The following SLC8A3 variants were observed in gnomAD, a reference collection of about 807,000 sequenced individuals.
SLC8A3 encodes the protein sodium/calcium exchanger 3.
Under a neutral mutation model 65.4 loss-of-function variants are expected in SLC8A3, and 37 were observed. The observed-to-expected ratio is 0.57, with a 90% CI of 0.44 to 0.74. The LOEUF (loss-of-function observed/expected upper bound fraction) is 0.74, where lower values mean the gene tolerates loss of function less well. Ranked by LOEUF, SLC8A3 falls within the 30% of genes least tolerant of loss-of-function variation. SLC8A3 has a pLI of 0.00. For missense variants in SLC8A3, 1,112 were observed against 1,172.1 expected, an observed-to-expected ratio of 0.95 and a Z score of 0.75; for synonymous variants, 461 against 444.5, an observed-to-expected ratio of 1.04 and a Z score of -0.47.
intron 2 of SLC8A3, among the ~76,000 whole-genome samples, chr14:70,102,906 T>C (rs983215511): frequency 6.6e-6 from 1 of 151,864 alleles, no homozygotes; most frequent in Non-Finnish European, 1.5e-5. Context: ...TTGGCTTAAA[T>C]TTTTCCAAAT....
chr14:70,082,873 T>C (rs1215962110), intron 2 of SLC8A3, among the ~76,000 whole-genome samples: 1 of 152,220 alleles, frequency 6.6e-6, no homozygotes, highest in Non-Finnish European at 1.5e-5. Flanking sequence ...CTGATGGAAA[T>C]GCTCTTGAAT....
chr14:70,077,722 A>G (rs926452222), intron 2 of SLC8A3, among the ~76,000 whole-genome samples: 3 of 152,192 alleles, frequency 2.0e-5, no homozygotes, highest in Admixed American at 2.0e-4. Flanking sequence ...AAATGCCAGA[A>G]TCTGATTTTG....
Position 70,168,163 on chromosome 14 carries a change from A to G in SLC8A3, c.260T>C (p.Met87Thr), listed in dbSNP as rs1405219856. ...AGCAATGATGGACACCCCAAGGAAC[A>G]TGTATATCAGGGCCACAAAATAGAC... Reference protein sequence around the residue: ...VIVYFVALIYMFLGVSIIADR... With the variant: ...VIVYFVALIYTFLGVSIIADR... Residue 87 changes from methionine to threonine, a missense_variant, in exon 2 of 7, where the codon ATG (methionine) becomes ACG (threonine). Transcript: ENST00000356921. The G allele has an allele frequency of 1.9e-6, 3 of 1,614,180 alleles. No individual in the cohort carries two copies. The highest frequency in any genetic ancestry group is 4.5e-5 in the East Asian group (2 of 44,868).
At chr14:70,175,015 C>T (rs992768816) in intron 1 of SLC8A3, among the ~76,000 whole-genome samples, 1 of 152,064 alleles carries the variant, frequency 6.6e-6, no homozygotes, top group African/African-American at 2.4e-5. Context: ...CATATTTTGC[C>T]TTCTCTGAAG....
At chr14:70,095,579 G>A (rs1892118107) in intron 2 of SLC8A3, among the ~76,000 whole-genome samples, 1 of 152,184 alleles carries the variant, frequency 6.6e-6, no homozygotes, top group Non-Finnish European at 1.5e-5. Flanking sequence ...GCTGCCCTTT[G>A]GCTGAATCCT....
Position 70,060,889 on chromosome 14 carries a change from T to C in SLC8A3, c.1835A>G (p.Glu612Gly), listed in dbSNP as rs762065105. The C allele has an allele frequency of 6.5e-7, 1 of 1,530,754 alleles. No individual in the cohort carries two copies. The highest frequency in any genetic ancestry group is 8.7e-7 in the Non-Finnish European group (1 of 1,143,608). 94.8% of individuals were successfully genotyped at this position (1,530,754 alleles called of 1,614,324 possible). Reference protein sequence around the residue: ...IVDEEEYERQENFFIALGEPK... With the variant: ...IVDEEEYERQGNFFIALGEPK... Reference sequence around the variant, plus strand: ...TTCACCAAGGGCAATGAAGAAATTCTCTTGCCTTTCGTATTCCTCCTCATC... The same window carrying C: ...TTCACCAAGGGCAATGAAGAAATTCCCTTGCCTTTCGTATTCCTCCTCATC... The change falls in exon 3 of 7, where the codon GAG becomes GGG. Residue 612 changes from glutamate to glycine, a missense_variant. Transcript: ENST00000356921.
intron 2 of SLC8A3, among the ~76,000 whole-genome samples, chr14:70,159,642 C>T (rs1896769613): frequency 6.6e-6 from 1 of 152,168 alleles, no homozygotes; most frequent in Non-Finnish European, 1.5e-5. Context: ...GCTTTGCTCA[C>T]CTTGCTGTCA....
chr14:70,130,711 C>T (rs1360959530), intron 2 of SLC8A3, among the ~76,000 whole-genome samples: 1 of 152,132 alleles, frequency 6.6e-6, no homozygotes, highest in African/African-American at 2.4e-5. Flanking sequence ...TTTACTCTGG[C>T]AAGAGGAATG....
At chr14:70,055,760 A>G (rs1888038906) in intron 3 of SLC8A3, 1 of 1,591,462 alleles carries the variant, frequency 6.3e-7, no homozygotes, top group Non-Finnish European at 8.5e-7. Flanking sequence ...ACTGGCAAGA[A>G]GTGGAAAGAA....
chr14:70,071,254 C>A, intron 2 of SLC8A3, among the ~76,000 whole-genome samples: 1 of 152,172 alleles, frequency 6.6e-6, no homozygotes, highest in East Asian at 1.9e-4. Context: ...CTGCCCCAAT[C>A]CTTGGAACCT....
At chr14:70,177,693 T>C (rs748263223) in intron 1 of SLC8A3, among the ~76,000 whole-genome samples, 58 of 152,108 alleles carry the variant, frequency 3.8e-4, no homozygotes, top group Non-Finnish European at 7.5e-4. Context: ...AGAGAAGCTG[T>C]GGAGATAAGT....
intron 1 of SLC8A3, among the ~76,000 whole-genome samples, chr14:70,187,599 CTGTGTGTG>C (rs3053393): frequency 0.012 from 1,405 of 118,276 alleles, 24 homozygotes; most frequent in South Asian, 0.043. Flanking sequence ...AGGGCTTTGA[CTGTGTGTG>C]TGTGTGTGTG....
intron 2 of SLC8A3, among the ~76,000 whole-genome samples, chr14:70,106,934 T>C (rs1187129130): frequency 6.6e-6 from 1 of 152,070 alleles, no homozygotes; most frequent in Non-Finnish European, 1.5e-5. Flanking sequence ...TTCAGAAGCA[T>C]TGAAACTTCA....
intron 2 of SLC8A3, among the ~76,000 whole-genome samples, chr14:70,145,759 C>G (rs1895886305): frequency 6.6e-6 from 1 of 152,182 alleles, no homozygotes; most frequent in Non-Finnish European, 1.5e-5. Context: ...CACCCTGTCC[C>G]CCAGCCCTAC....
chr14:70,055,159 T>G (rs1887946003), intron 3 of SLC8A3, among the ~76,000 whole-genome samples: 1 of 152,074 alleles, frequency 6.6e-6, no homozygotes, highest in Non-Finnish European at 1.5e-5. Flanking sequence ...TCTCTAAAAT[T>G]TATATTTCCA....
intron 1 of SLC8A3, among the ~76,000 whole-genome samples, chr14:70,171,913 T>C (rs1055659022): frequency 6.6e-6 from 1 of 152,222 alleles, no homozygotes; most frequent in Admixed American, 6.5e-5. Context: ...AGTTCCTCTT[T>C]GCAGCCCTGC....
chr14:70,118,488 G>T (rs1350135942), intron 2 of SLC8A3, among the ~76,000 whole-genome samples: 3 of 152,188 alleles, frequency 2.0e-5, no homozygotes, highest in Non-Finnish European at 4.4e-5. Context: ...TGGCCATGTT[G>T]TAAGGTCTAA....
chr14:70,051,292 T>C (rs1461614424), intron 4 of SLC8A3, among the ~76,000 whole-genome samples, 185 bp from the exon 5 acceptor site: 1 of 152,172 alleles, frequency 6.6e-6, no homozygotes. Context: ...GGTTGTAATC[T>C]TTTTGTTTTG....
chr14:70,175,977 C>T lies in SLC8A3; in HGVS notation c.-62-7493G>A, dbSNP rs182121409. ...CTCGAACTCCTGACCTCAAGTGATC[C>T]GCCCACCTCACCCTCCCAAAGGGGA... On this transcript the variant is annotated intron_variant, in intron 1 of 6. Transcript: ENST00000356921. Among the ~76,000 whole-genome samples the T allele has an allele frequency of 2.6e-4, 39 of 152,160 alleles. No homozygotes were observed. In the East Asian group the frequency reaches 5.6e-3, roughly 22 times the overall value.
Sources: allele counts gnomAD v4.1 joint callset (sites outside exome capture counted in the v4.1 genomes callset), GRCh38; gene constraint gnomAD v4.1.1; transcripts MANE v1.5; gene names NCBI Gene and HGNC (gene_info 2026-07-23, HGNC 2026-07-21).